The following CAMK2A variants were observed in gnomAD, a reference collection of about 807,000 sequenced individuals.
The protein encoded by CAMK2A is calcium/calmodulin-dependent protein kinase type II subunit alpha.
Under a neutral mutation model 79.2 loss-of-function variants are expected in CAMK2A, and 7 were observed. The observed-to-expected ratio is 0.09, with a 90% confidence interval of 0.05 to 0.17. CAMK2A has a LOEUF of 0.17. CAMK2A is among the 10% of genes least tolerant of loss of function. The pLI, the probability that CAMK2A is intolerant of heterozygous loss-of-function variation, is 1.00. For missense variants in CAMK2A, 214 were observed against 646.4 expected (o/e 0.33, Z 7.25); for synonymous variants, 242 against 251.7 (o/e 0.96, Z 0.36).
At position 150,223,235 on chromosome 5, in the gene CAMK2A, A is replaced by G; in HGVS notation, c.1238-18T>C. 6.2e-7 allele frequency: 1 copy of G among 1,601,172 alleles called. No individual in the cohort carries two copies. The highest frequency in any genetic ancestry group is 8.5e-7 in the Non-Finnish European group (1 of 1,170,316). On this transcript the variant is annotated intron_variant, in intron 17 of 18. Transcript: ENST00000671881. The surrounding 1 kb of genome is among the most constrained non-coding windows in gnomAD (Gnocchi z 4.1). ...GGACCACACTGGAGGAGGGGATGGGAGGGGCAGAGGAGATGCAACCGGGGG... is the reference window on the plus strand; with the variant it reads ...GGACCACACTGGAGGAGGGGATGGGGGGGGCAGAGGAGATGCAACCGGGGG...
intron 13 of CAMK2A, among the ~76,000 whole-genome samples, chr5:150,242,117 C>T (rs1043300300): frequency 6.6e-6 from 1 of 152,158 alleles, no homozygotes; most frequent in African/African-American, 2.4e-5. Flanking sequence ...AGCAGTCGGC[C>T]CTCCTCCTAG....
At chr5:150,266,156 C>A (rs1580939068) in intron 2 of CAMK2A, among the ~76,000 whole-genome samples, 2 of 152,232 alleles carry the variant, frequency 1.3e-5, no homozygotes, top group African/African-American at 4.8e-5. Flanking sequence ...TTCTGGACTG[C>A]TGTGCAAGTC....
intron 4 of CAMK2A, 107 bp downstream of exon 4, chr5:150,257,456 A>C: frequency 2.0e-6 from 2 of 977,074 alleles, no homozygotes; most frequent in Non-Finnish European, 3.2e-6. Flanking sequence ...ACATTTGGGG[A>C]AACTCTGGAC....
At chr5:150,257,872 C>A (rs908686191) in intron 3 of CAMK2A, among the ~76,000 whole-genome samples, 22 of 152,288 alleles carry the variant, frequency 1.4e-4, no homozygotes, top group African/African-American at 5.1e-4. Context: ...AGTTTAGCGC[C>A]CTCCCCTCTC....
chr5:150,228,209 C>A lies in CAMK2A; in HGVS notation c.1220G>T (p.Arg407Leu). Reference sequence around the variant, plus strand: ...TTGCTCACGGTTTTCAAAATAGAATCGATGGAAGTCCAGGCCCTCAACCAG... The same window carrying A: ...TTGCTCACGGTTTTCAAAATAGAATAGATGGAAGTCCAGGCCCTCAACCAG... ...GNLVEGLDFH[R>L]FYFENLWSRN... is the part of the protein sequence containing the mutation. Residue 407 changes from arginine (R) to leucine (L), a missense_variant, in exon 17 of 19, where the codon CGA becomes CTA. By Grantham distance (102) the Arg-to-Leu change is moderately radical (BLOSUM62 -2). Coordinates refer to ENST00000671881, the MANE Select transcript of CAMK2A (RefSeq NM_015981.4). 1 of 1,613,386 alleles carries A rather than the reference C, an allele frequency of 6.2e-7. No homozygotes were observed. The highest frequency in any genetic ancestry group is 8.5e-7 in the Non-Finnish European group (1 of 1,179,578).
intron 2 of CAMK2A, 136 bp downstream of exon 2, chr5:150,272,929 G>T: frequency 1.5e-6 from 1 of 672,634 alleles, no homozygotes; most frequent in Non-Finnish European, 2.7e-6. Flanking sequence ...ATGACACCCC[G>T]GGAAGAGCAG....
intron 2 of CAMK2A, among the ~76,000 whole-genome samples, chr5:150,271,330 C>T (rs1756739815): frequency 6.6e-6 from 1 of 152,338 alleles, no homozygotes; most frequent in African/African-American, 2.4e-5. Flanking sequence ...CTCTGCTGAT[C>T]CTCTTTGACC....
chr5:150,258,482 A>G (rs973511916), intron 3 of CAMK2A, among the ~76,000 whole-genome samples: 1 of 152,270 alleles, frequency 6.6e-6, no homozygotes, highest in Non-Finnish European at 1.5e-5. Flanking sequence ...GCAGTTATGT[A>G]TCTACTGGTT....
chr5:150,241,175 G>C (rs145603085), intron 13 of CAMK2A, among the ~76,000 whole-genome samples: 2 of 152,302 alleles, frequency 1.3e-5, no homozygotes, highest in African/African-American at 4.8e-5. Flanking sequence ...AAGGGATGGG[G>C]TGGCTCACTG....
At chr5:150,228,705 C>T (rs1432583415) in intron 16 of CAMK2A, among the ~76,000 whole-genome samples, 3 of 151,858 alleles carry the variant, frequency 2.0e-5, no homozygotes, top group South Asian at 2.1e-4. Flanking sequence ...CCTGTGGGGT[C>T]GGGATGGGGG....
intron 15 of CAMK2A, among the ~76,000 whole-genome samples, chr5:150,235,870 AGAGGCTGGGG>A (rs1562143775): frequency 6.6e-6 from 1 of 152,174 alleles, no homozygotes; most frequent in Non-Finnish European, 1.5e-5. Flanking sequence ...TGAGGCCGGG[AGAGGCTGGGG>A]GAGGCACAAG....
At chr5:150,274,294 A>G (rs891318220) in intron 1 of CAMK2A, among the ~76,000 whole-genome samples, 1 of 152,214 alleles carries the variant, frequency 6.6e-6, no homozygotes, top group South Asian at 2.1e-4. Context: ...GGGGAAAAAC[A>G]TTGTCACCAT....
At chr5:150,254,046 C>T (rs536019899) in intron 6 of CAMK2A, among the ~76,000 whole-genome samples, 1 of 152,266 alleles carries the variant, frequency 6.6e-6, no homozygotes, top group South Asian at 2.1e-4. Context: ...GGCCTTTGCA[C>T]TTCCTGTTTT....
At chr5:150,273,012 A>C in intron 2 of CAMK2A, 53 bp downstream of exon 2, 2 of 1,383,912 alleles carry the variant, frequency 1.4e-6, no homozygotes, top group East Asian at 2.3e-5. Flanking sequence ...AGTACAGGTA[A>C]GGGGAGAGAG....
At chr5:150,289,871 G>A (rs763971857), upstream of CAMK2A, 13 of 524,016 alleles carry the variant, frequency 2.5e-5, no homozygotes, top group South Asian at 7.9e-5. Flanking sequence ...CCGTTGCCCC[G>A]GTAACTGCCT....
chr5:150,219,913 TGGA>T lies in CAMK2A; in HGVS notation c.*2794_*2796del, dbSNP rs1455594847. ...ATTATTTTGCATCTAAAGGATGTTT[TGGA>T]GGAGCACAGAGTTTGTCTGGTGAGG... On this transcript the variant is annotated 3_prime_UTR_variant, in exon 19 of 19. Transcript: ENST00000671881. 1 of 152,538 alleles carries T rather than the reference TGGA, an allele frequency of 6.6e-6. No individual in the cohort carries two copies. The highest frequency in any genetic ancestry group is 1.9e-4 in the East Asian group (1 of 5,184). 9.4% of individuals were successfully genotyped at this position (152,538 alleles called of 1,614,324 possible). A position where few individuals can be genotyped will look rare whatever the true frequency, so the allele number is the denominator to read the frequency against.
At chr5:150,222,841 T>G in intron 18 of CAMK2A, 128 bp from the exon 19 acceptor site, 1 of 1,395,800 alleles carries the variant, frequency 7.2e-7, no homozygotes, top group Non-Finnish European at 1.0e-6. Context: ...CCCCCAGACC[T>G]GCAGGCCTGG....
At chr5:150,271,465 C>G (rs148417343) in intron 2 of CAMK2A, among the ~76,000 whole-genome samples, 1 of 152,178 alleles carries the variant, frequency 6.6e-6, no homozygotes, top group Non-Finnish European at 1.5e-5. Flanking sequence ...CTGCGGGGAG[C>G]AGCATGAGCC....
intron 13 of CAMK2A, among the ~76,000 whole-genome samples, chr5:150,240,537 T>G (rs556218491): frequency 2.0e-5 from 3 of 152,336 alleles, no homozygotes; most frequent in East Asian, 3.9e-4. Context: ...TAGCATCCCC[T>G]GTATTGGCTA....
Sources: allele counts gnomAD v4.1 joint callset (sites outside exome capture counted in the v4.1 genomes callset), GRCh38; gene constraint gnomAD v4.1.1; non-coding constraint Gnocchi (gnomAD v3.1); transcripts MANE v1.5; gene names NCBI Gene and HGNC (gene_info 2026-07-23, HGNC 2026-07-21).